The following RELCH variants were observed in gnomAD, a reference collection of about 807,000 sequenced individuals.
RELCH encodes the protein RAB11-binding protein RELCH.
In RELCH, 41 loss-of-function variants were observed where a neutral mutation model predicts 150.3. The ratio of observed to expected loss-of-function variants is 0.27; its 90% CI spans 0.21 to 0.35. The LOEUF (loss-of-function observed/expected upper bound fraction) is 0.35, where lower values mean the gene tolerates loss of function less well. RELCH is among the 10% of genes least tolerant of loss of function. RELCH has a pLI of 1.00. For synonymous variants in RELCH, 478 were observed against 531.8 expected, an observed-to-expected ratio of 0.90 and a Z score of 1.39; for missense variants, 1,092 against 1,467.8, an observed-to-expected ratio of 0.74 and a Z score of 4.18.
In RELCH at chr18:62,266,715, C is replaced by G; in HGVS notation, c.2646C>G (p.Phe882Leu). Residue 882 changes from phenylalanine (F) to leucine (L), a missense_variant, in exon 19 of 29, where the codon TTC becomes TTG. Around this residue, in one of 4 missense-constraint regions of RELCH, gnomAD observed 707 missense variants for 1,025.4 expected, o/e 0.69. Transcript: ENST00000644646. Reference protein sequence around the residue: ...IFTNTKVKPQFQEILRLSEEN... With the variant: ...IFTNTKVKPQLQEILRLSEEN... ...GGGTTGCTTAGGTAAAACCTCAGTT[C>G]CAGGAGATTTTAAGACTATCTGAAG... is the stretch of plus-strand genomic sequence containing the variant. 6.2e-7 allele frequency: 1 copy of G among 1,602,800 alleles called. No individual in the cohort carries two copies. The highest frequency in any genetic ancestry group is 8.5e-7 in the Non-Finnish European group (1 of 1,172,784).
At chr18:62,255,625 T>C in intron 13 of RELCH, 147 bp downstream of exon 13, 1 of 654,376 alleles carries the variant, frequency 1.5e-6, no homozygotes. Context: ...GAGACTCACA[T>C]TAGTACAGTA....
intron 22 of RELCH, among the ~76,000 whole-genome samples, chr18:62,276,565 T>A (rs895318373): frequency 2.0e-5 from 3 of 152,112 alleles, no homozygotes; most frequent in Non-Finnish European, 4.4e-5. Flanking sequence ...TACCTAAACA[T>A]TTATTTCTAT....
At chr18:62,277,644 G>A in intron 22 of RELCH, 1 of 969,794 alleles carries the variant, frequency 1.0e-6, no homozygotes, top group Non-Finnish European at 1.2e-6. Context: ...CATATACCAG[G>A]AACCTAATAG....
At chr18:62,240,260 C>G (rs889367052) in intron 10 of RELCH, among the ~76,000 whole-genome samples, 2 of 151,880 alleles carry the variant, frequency 1.3e-5, no homozygotes, top group African/African-American at 2.4e-5. Context: ...CGTTTCTACT[C>G]CATCCCCAAT....
intron 5 of RELCH, among the ~76,000 whole-genome samples, chr18:62,221,860 T>G (rs916958673): frequency 2.0e-5 from 3 of 151,928 alleles, no homozygotes; most frequent in African/African-American, 7.2e-5. Context: ...CCTCTTCAAT[T>G]CCACTGTAAC....
rs1431642421 is a variant in RELCH, at chr18:62,279,809, T to A, written c.3003T>A (p.Ala1001=). ...LVKGVNETLV[A]QRVVPALITL... ...AGGGGGTGAATGAAACTCTGGTAGCTCAGAGGGTTGTTCCTGCTCTCATTA... is the reference window on the plus strand; with the variant it reads ...AGGGGGTGAATGAAACTCTGGTAGCACAGAGGGTTGTTCCTGCTCTCATTA... Residue 1001 remains alanine, a synonymous_variant, in exon 23 of 29, where the codon GCT becomes GCA. Transcript: ENST00000644646. 6.5e-7 allele frequency: 1 copy of A among 1,535,708 alleles called. No individual in the cohort carries two copies. Among genetic ancestry groups the A allele is most frequent in the Non-Finnish European group, 8.7e-7 (1 of 1,146,690 alleles).
At chr18:62,193,374 T>G (rs2038789274) in intron 1 of RELCH, among the ~76,000 whole-genome samples, 3 of 152,096 alleles carry the variant, frequency 2.0e-5, no homozygotes, top group Admixed American at 2.0e-4. Flanking sequence ...TCTTGCATGA[T>G]CCCTGGCCAG....
At chr18:62,277,814 T>G (rs1184967014) in intron 22 of RELCH, 2 of 824,460 alleles carry the variant, frequency 2.4e-6, no homozygotes, top group African/African-American at 3.7e-5. Flanking sequence ...TAAGAGGAAT[T>G]TATCATGTTA....
rs568743414 is a variant in RELCH at position 62,202,810 on chromosome 18, C to A, written c.527-8343C>A. ...TTAGTAAACTAATAACAGATGGATA[C>A]CTAATAAGAAATATTTATCTGAAAT... On this transcript the variant is annotated intron_variant, in intron 1 of 28. Transcript: ENST00000644646. 9.9e-5 allele frequency among the ~76,000 whole-genome samples: 15 copies of A among 152,120 alleles called. No homozygotes were observed. The East Asian group carries it at 2.9e-3, about 29-fold the overall frequency.
At chr18:62,291,349 A>G (rs1247590926) in intron 26 of RELCH, among the ~76,000 whole-genome samples, 194 bp from the exon 27 acceptor site, 1 of 152,218 alleles carries the variant, frequency 6.6e-6, no homozygotes, top group African/African-American at 2.4e-5. Context: ...GTGTGAATAA[A>G]CACAATTGAC....
At chr18:62,237,929 A>G (rs962646398) in intron 10 of RELCH, among the ~76,000 whole-genome samples, 1 of 151,850 alleles carries the variant, frequency 6.6e-6, no homozygotes, top group Non-Finnish European at 1.5e-5. Context: ...TTAAAACAAG[A>G]AAAAGAAAAA....
intron 13 of RELCH, among the ~76,000 whole-genome samples, chr18:62,256,461 C>T (rs2042996846): frequency 6.6e-6 from 1 of 151,932 alleles, no homozygotes; most frequent in Non-Finnish European, 1.5e-5. Flanking sequence ...CAGATTGATG[C>T]AAATGGTTTT....
chr18:62,193,236 C>T (rs1465860331), intron 1 of RELCH, among the ~76,000 whole-genome samples: 1 of 152,154 alleles, frequency 6.6e-6, no homozygotes, highest in Non-Finnish European at 1.5e-5. Context: ...TGAGACTTTG[C>T]TGTAGTTGCC....
chr18:62,289,853 A>C (rs1018245575), intron 26 of RELCH, among the ~76,000 whole-genome samples: 2 of 152,214 alleles, frequency 1.3e-5, no homozygotes, highest in Non-Finnish European at 2.9e-5. Context: ...GGAAAAGAAA[A>C]GTGACTTCCC....
chr18:62,292,989 A>G (rs1268741383), intron 27 of RELCH, among the ~76,000 whole-genome samples: 1 of 152,110 alleles, frequency 6.6e-6, no homozygotes, highest in African/African-American at 2.4e-5. Context: ...CTTACATACA[A>G]GGCCTTTTAT....
At chr18:62,232,555 G>A in intron 10 of RELCH, 128 bp downstream of exon 10, 1 of 616,882 alleles carries the variant, frequency 1.6e-6, no homozygotes, top group Non-Finnish European at 2.9e-6. Context: ...TCTTACTTTT[G>A]TGCATGCATC....
chr18:62,252,396 A>C (rs1200466005), intron 11 of RELCH, among the ~76,000 whole-genome samples: 1 of 151,976 alleles, frequency 6.6e-6, no homozygotes, highest in Non-Finnish European at 1.5e-5. Flanking sequence ...GTGAACACTT[A>C]TAGTCCCAGC....
intron 10 of RELCH, among the ~76,000 whole-genome samples, chr18:62,235,845 T>C (rs995769427): frequency 6.6e-6 from 1 of 152,030 alleles, no homozygotes; most frequent in Admixed American, 6.6e-5. Context: ...TCTAATCATT[T>C]TTTATGGGTT....
In RELCH at chr18:62,187,382, C is replaced by A; in HGVS notation, c.-124C>A. 2.3e-6 allele frequency: 2 copies of A among 864,648 alleles called. No individual in the cohort carries two copies. The highest frequency in any genetic ancestry group is 2.7e-5 in the East Asian group (1 of 37,224). 53.6% of individuals were successfully genotyped at this position (864,648 alleles called of 1,614,324 possible). ...TGGAGCGTACTCCTTGTCTCTAAGT[C>A]GGGAGGCAGGACGTGGTCAGGCCGG... On this transcript the variant is annotated 5_prime_UTR_variant, in exon 1 of 29. Coordinates refer to ENST00000644646, the MANE Select transcript of RELCH (RefSeq NM_001346231.2).
Sources: gnomAD v4.1 joint callset for allele counts (sites outside exome capture counted in the v4.1 genomes callset) on GRCh38, gnomAD v4.1.1 for gene constraint, gnomAD v4.1.1 regional missense constraint, MANE v1.5 for transcripts, NCBI Gene and HGNC (gene_info 2026-07-23, HGNC 2026-07-21) for gene names.